Variants in PAX2 observed in about 807,000 individuals in gnomAD.
PAX2 encodes the protein paired box 2, also known as paired box protein Pax-2.
A neutral mutation model predicts 41.7 loss-of-function variants in PAX2; 9 were observed. The ratio of observed to expected loss-of-function variants is 0.22; its 90% CI spans 0.13 to 0.38. The LOEUF is 0.38. Among genes scored for constraint, PAX2 ranks in the 10% least tolerant of loss-of-function variants. PAX2 has a pLI of 1.00. For synonymous variants in PAX2, 221 were observed against 212.7 expected (o/e 1.04, Z -0.34); for missense variants, 418 against 531.6 (o/e 0.79, Z 2.10).
intron 3 of PAX2, among the ~76,000 whole-genome samples, chr10:100,755,734 C>A (rs1007017361): frequency 4.6e-5 from 7 of 152,146 alleles, no homozygotes; most frequent in African/African-American, 1.7e-4. Flanking sequence ...GCATGAAAAC[C>A]AATCAATAAC....
chr10:100,735,801 G>C (rs1422555252), intron 1 of PAX2: 2 of 955,656 alleles, frequency 2.1e-6, no homozygotes, highest in African/African-American at 1.7e-5. Flanking sequence ...GGCGGCCATG[G>C]CCGGGGCGGG....
chr10:100,808,594 A>G (rs140759305), intron 6 of PAX2, among the ~76,000 whole-genome samples: 19 of 151,880 alleles, frequency 1.3e-4, no homozygotes, highest in African/African-American at 2.4e-4. Context: ...CCCCTCCCCA[A>G]TTTCATACCC....
At chr10:100,786,899 C>T (rs1846891431) in intron 5 of PAX2, 2 of 1,229,652 alleles carry the variant, frequency 1.6e-6, no homozygotes, top group Non-Finnish European at 2.2e-6. Context: ...GCCTGCCTGT[C>T]TTTCGGGATC....
intron 7 of PAX2, among the ~76,000 whole-genome samples, chr10:100,816,071 G>A (rs927417053): frequency 2.6e-5 from 4 of 152,174 alleles, no homozygotes; most frequent in Non-Finnish European, 5.9e-5. Flanking sequence ...CTGTCCGTGA[G>A]GCCCAAAAAC....
At chr10:100,821,190 A>G (rs1488725474) in intron 7 of PAX2, among the ~76,000 whole-genome samples, 6 of 152,240 alleles carry the variant, frequency 3.9e-5, no homozygotes, top group African/African-American at 1.2e-4. Context: ...TGTGTTTTCC[A>G]TTATTGACAA....
At chr10:100,741,224 A>T (rs530227549), upstream of PAX2, among the ~76,000 whole-genome samples, 283 of 152,244 alleles carry the variant, frequency 1.9e-3, 2 homozygotes, top group Middle Eastern at 3.4e-3. Flanking sequence ...GGCTTCACGC[A>T]GGGAGCCCAA....
rs145671574 is a variant in PAX2 at position 100,801,975 on chromosome 10, G to T, written c.617-4455G>T. ...AGTTCCCTCACAGGGTTGTCGGAAG[G>T]ATTAAATGAGCTCTGTAAATAACAG... On this transcript the variant is annotated intron_variant, in intron 5 of 9. Coordinates refer to ENST00000355243, the MANE Select transcript of PAX2 (RefSeq NM_000278.5). Among the ~76,000 whole-genome samples, 723 of 152,340 alleles carry T rather than the reference G, an allele frequency of 4.7e-3. 6 individuals are homozygous for T. Among genetic ancestry groups the T allele is most frequent in the African/African-American group, 0.016 (677 of 41,584 alleles).
intron 7 of PAX2, among the ~76,000 whole-genome samples, chr10:100,823,185 C>T (rs72843870): frequency 0.011 from 1,715 of 152,056 alleles, 11 homozygotes; most frequent in Non-Finnish European, 0.017. Flanking sequence ...AAGAAGGACT[C>T]CAAAGTTTTT....
chr10:100,737,630 CAG>C (rs1353291472), intron 1 of PAX2, among the ~76,000 whole-genome samples: 3 of 152,334 alleles, frequency 2.0e-5, no homozygotes, highest in South Asian at 2.1e-4. Context: ...AGCAGAGCTG[CAG>C]AGTCTTCCGC....
intron 5 of PAX2, chr10:100,786,812 A>C (rs1846885996): frequency 2.0e-6 from 1 of 502,788 alleles, no homozygotes; most frequent in Non-Finnish European, 3.9e-6. Flanking sequence ...CTGTGAGGGA[A>C]TTGCAGCTCA....
In PAX2 at chr10:100,809,209, G is replaced by A; in HGVS notation, c.892G>A (p.Gly298Ser). 6.2e-7 allele frequency: 1 copy of A among 1,613,940 alleles called. No individual in the cohort carries two copies. The highest frequency in any genetic ancestry group is 8.5e-7 in the Non-Finnish European group (1 of 1,179,922). ...TNPELGSNVS[G>S]TQTYPVVTGR... ...CCCTGAGCTGGGCAGCAACGTGTCA[G>A]GCACACAGACATACCCAGTTGTGAC... Residue 298 changes from glycine to serine, a missense_variant, in exon 7 of 10, where the codon GGC (glycine) becomes AGC (serine). This residue lies in a region of PAX2 where 310 missense variants were observed against 325.2 expected (regional missense o/e 0.95). Coordinates refer to ENST00000355243, the MANE Select transcript of PAX2 (RefSeq NM_000278.5).
Position 100,824,595 on chromosome 10 carries a change from G to A in PAX2, c.920-53G>A. 8.3e-7 allele frequency: 1 copy of A among 1,207,308 alleles called. No homozygotes were observed. The highest frequency in any genetic ancestry group is 1.2e-5 in the South Asian group (1 of 83,102). The allele number at this position is 1,207,308 out of a possible 1,614,324, so 74.8% of individuals were successfully genotyped here. On this transcript the variant is annotated intron_variant, in intron 7 of 9. Coordinates refer to ENST00000355243, the MANE Select transcript of PAX2 (RefSeq NM_000278.5). This position sits in a 1 kb window ranked among gnomAD's most constrained non-coding sequence, Gnocchi z 6.6. ...TCCGTGCAGTACCCTGGTGTGAGTAGAGGCAGGCCCCTTTCTTCCAGGCCT... is the reference window on the plus strand; with the variant it reads ...TCCGTGCAGTACCCTGGTGTGAGTAAAGGCAGGCCCCTTTCTTCCAGGCCT...
intron 7 of PAX2, among the ~76,000 whole-genome samples, chr10:100,812,179 A>C (rs1378313278): frequency 6.6e-6 from 1 of 152,196 alleles, no homozygotes; most frequent in East Asian, 1.9e-4. Flanking sequence ...GGAACCGAGG[A>C]GAGAGACTGA....
intron 3 of PAX2, among the ~76,000 whole-genome samples, chr10:100,762,633 A>G (rs1323013882): frequency 6.6e-6 from 1 of 152,188 alleles, no homozygotes; most frequent in Non-Finnish European, 1.5e-5. Context: ...AAAGATAGCT[A>G]TGCTGCTCTC....
rs1589911321 is a variant in PAX2 at position 100,827,481 on chromosome 10, C to G, written c.1109-62C>G. Reference sequence around the variant, plus strand: ...GGAGGTCTTTTCTGTGCTTTTCTTTCCTTTTTTGTTCTCCTGTTTGTCCTC... The same window carrying G: ...GGAGGTCTTTTCTGTGCTTTTCTTTGCTTTTTTGTTCTCCTGTTTGTCCTC... On this transcript the variant is annotated intron_variant, in intron 9 of 9. Transcript: ENST00000355243. This position sits in a 1 kb window ranked among gnomAD's most constrained non-coding sequence, Gnocchi z 8.5. 1.2e-5 allele frequency: 19 copies of G among 1,538,238 alleles called. No homozygotes were observed. The highest frequency in any genetic ancestry group is 9.0e-5 in the East Asian group (4 of 44,432).
At chr10:100,803,320 C>T (rs1847636163) in intron 5 of PAX2, among the ~76,000 whole-genome samples, 1 of 152,076 alleles carries the variant, frequency 6.6e-6, no homozygotes. Flanking sequence ...GGGCTTCCTC[C>T]TTCCCTGAGC....
At position 100,829,481 on chromosome 10, in the gene PAX2, G is replaced by A. The variant is rs1848709973; in HGVS notation, c.*1862G>A. The A allele has an allele frequency of 4.8e-6, 1 of 207,658 alleles. No homozygotes were observed. The highest frequency in any genetic ancestry group is 2.3e-5 in the African/African-American group (1 of 43,862). 12.9% of individuals were successfully genotyped at this position (207,658 alleles called of 1,614,324 possible). A position where few individuals can be genotyped will look rare whatever the true frequency, so the allele number is the denominator to read the frequency against. On this transcript the variant is annotated 3_prime_UTR_variant, in exon 10 of 10. Coordinates refer to ENST00000355243, the MANE Select transcript of PAX2 (RefSeq NM_000278.5). The stretch of plus-strand genomic sequence containing the variant: ...GTCCCGCCCCGTAGTTGCTCTTTCG[G>A]TAGTGGCGATGCGCCCTGCATGTCT...
chr10:100,746,605 G>C (rs958034974), intron 1 of PAX2, among the ~76,000 whole-genome samples: 1 of 152,264 alleles, frequency 6.6e-6, no homozygotes, highest in South Asian at 2.1e-4. Context: ...CCACGGCCTC[G>C]GAGCCCTGGT....
At chr10:100,810,486 G>A (rs959723376) in intron 7 of PAX2, among the ~76,000 whole-genome samples, 1 of 152,210 alleles carries the variant, frequency 6.6e-6, no homozygotes, top group Admixed American at 6.5e-5. Context: ...GACCTTAGCT[G>A]GGTTAGCTGG....
Sources: gnomAD v4.1 joint callset for allele counts (sites outside exome capture counted in the v4.1 genomes callset) on GRCh38, gnomAD v4.1.1 for gene constraint, gnomAD v4.1.1 regional missense constraint, Gnocchi (gnomAD v3.1) non-coding constraint, MANE v1.5 for transcripts, NCBI Gene and HGNC (gene_info 2026-07-23, HGNC 2026-07-21) for gene names.